The following NCKAP5 variants were observed in gnomAD, a reference collection of about 807,000 sequenced individuals.
NCKAP5 encodes nck-associated protein 5.
In NCKAP5, 92 loss-of-function variants were observed where a neutral mutation model predicts 167.0. That is an observed-to-expected ratio of 0.55 (90% CI 0.47 to 0.66). NCKAP5 has a LOEUF of 0.66. Ranked by LOEUF, NCKAP5 falls within the 30% of genes least tolerant of loss-of-function variation. NCKAP5 has a pLI of 0.00. For synonymous variants in NCKAP5, 891 were observed against 877.4 expected, an observed-to-expected ratio of 1.02 and a Z score of -0.27; for missense variants, 2,378 against 2,315.0, an observed-to-expected ratio of 1.03 and a Z score of -0.56.
At chr2:133,266,887 CG>C (rs1426813670) in intron 4 of NCKAP5, among the ~76,000 whole-genome samples, 4 of 152,140 alleles carry the variant, frequency 2.6e-5, no homozygotes, top group Non-Finnish European at 5.9e-5. Context: ...GCGGGCGGCT[CG>C]GCTTGCGCTC....
At chr2:133,106,749 C>G (rs2081718947) in intron 6 of NCKAP5, among the ~76,000 whole-genome samples, 1 of 152,142 alleles carries the variant, frequency 6.6e-6, no homozygotes, top group Admixed American at 6.5e-5. Flanking sequence ...GTTGTGGAAA[C>G]AGCTGCTTTG....
At chr2:133,030,719 G>A (rs1559068536) in intron 6 of NCKAP5, among the ~76,000 whole-genome samples, 1 of 152,182 alleles carries the variant, frequency 6.6e-6, no homozygotes, top group East Asian at 1.9e-4. Flanking sequence ...GATTATCTCA[G>A]TTCAGGCTGC....
the NCKAP5 span, among the ~76,000 whole-genome samples, chr2:133,580,642 G>T: frequency 6.6e-6 from 1 of 152,096 alleles, no homozygotes. Flanking sequence ...AATCAGCATG[G>T]TTTATTCCCA....
intron 16 of NCKAP5, among the ~76,000 whole-genome samples, chr2:132,751,959 T>C (rs1680151932): frequency 6.6e-6 from 1 of 152,244 alleles, no homozygotes. Flanking sequence ...CTGAGTTCCC[T>C]GGCAGACCAG....
intron 8 of NCKAP5, among the ~76,000 whole-genome samples, chr2:132,889,328 A>G (rs6723255): frequency 0.32 from 48,023 of 152,084 alleles, 7,855 homozygotes; most frequent in Non-Finnish European, 0.36. Flanking sequence ...CATAGCAATA[A>G]ATAAGTGGAA....
At chr2:133,497,888 C>CTCTT (rs1682079703) in intron 3 of NCKAP5, among the ~76,000 whole-genome samples, 1 of 152,324 alleles carries the variant, frequency 6.6e-6, no homozygotes, top group African/African-American at 2.4e-5. Flanking sequence ...GGGATTTTAT[C>CTCTT]TCTGTGTTCT....
intron 19 of NCKAP5, among the ~76,000 whole-genome samples, chr2:132,678,086 A>G (rs1033421945): frequency 6.6e-6 from 1 of 152,164 alleles, no homozygotes; most frequent in African/African-American, 2.4e-5. Flanking sequence ...ATAAAATTGG[A>G]GGAGATATGG....
At chr2:132,934,601 C>T (rs113442424) in intron 8 of NCKAP5, among the ~76,000 whole-genome samples, 2,229 of 151,922 alleles carry the variant, frequency 0.015, 41 homozygotes, top group African/African-American at 0.051. Flanking sequence ...AAAAAGTAAA[C>T]GATGACCCCA....
chr2:133,019,632 T>C (rs1352538489), intron 6 of NCKAP5, among the ~76,000 whole-genome samples: 1 of 152,246 alleles, frequency 6.6e-6, no homozygotes, highest in Non-Finnish European at 1.5e-5. Flanking sequence ...GCTGGCATTT[T>C]CATTTTCCCC....
chr2:132,955,315 T>C (rs1423791975), intron 8 of NCKAP5, among the ~76,000 whole-genome samples: 4 of 152,174 alleles, frequency 2.6e-5, no homozygotes, highest in African/African-American at 9.7e-5. Context: ...CTTTGGATGA[T>C]GACCTTTCCC....
intron 4 of NCKAP5, chr2:133,267,346 T>A (rs1323035009): frequency 6.6e-6 from 1 of 152,228 alleles, no homozygotes; most frequent in African/African-American, 2.4e-5. Context: ...GCTAATGAAC[T>A]AAACAAACAG....
chr2:132,969,269 C>G (rs946382569), intron 7 of NCKAP5, among the ~76,000 whole-genome samples: 15 of 152,202 alleles, frequency 9.9e-5, no homozygotes, highest in African/African-American at 3.6e-4. Context: ...AACTCCTGAC[C>G]TCAGGTAATC....
chr2:133,167,097 T>C (rs971766398), intron 5 of NCKAP5, among the ~76,000 whole-genome samples: 66 of 152,176 alleles, frequency 4.3e-4, no homozygotes, highest in African/African-American at 1.6e-3. Flanking sequence ...TAAAATCCCC[T>C]ACAACTTCAG....
the NCKAP5 span, among the ~76,000 whole-genome samples, chr2:133,603,222 T>C: frequency 3.5e-5 from 4 of 113,342 alleles, no homozygotes; most frequent in Non-Finnish European, 6.5e-5. Context: ...TTTTTTCTTT[T>C]TCTTTCTTTT....
intron 6 of NCKAP5, among the ~76,000 whole-genome samples, chr2:133,126,882 T>A (rs958800812): frequency 6.6e-6 from 1 of 152,170 alleles, no homozygotes; most frequent in Non-Finnish European, 1.5e-5. Flanking sequence ...TTTATTTTGT[T>A]TTTATTTTAT....
At chr2:133,344,038 T>A (rs1559401091) in intron 3 of NCKAP5, among the ~76,000 whole-genome samples, 1 of 152,114 alleles carries the variant, frequency 6.6e-6, no homozygotes, top group South Asian at 2.1e-4. Flanking sequence ...CGGGGAATGG[T>A]GGATCTTTTA....
chr2:132,925,561 C>CA (rs575777951), intron 8 of NCKAP5, among the ~76,000 whole-genome samples: 3,008 of 51,144 alleles, frequency 0.059, 123 homozygotes, highest in East Asian at 0.19. Context: ...GACTCCGTCT[C>CA]AAAAAAAAAA....
chr2:133,666,186 C>CTTTTT, the NCKAP5 span, among the ~76,000 whole-genome samples: 1,836 of 114,060 alleles, frequency 0.016, 95 homozygotes, highest in African/African-American at 0.058. Flanking sequence ...GATCTACATC[C>CTTTTT]TTTTTTTTTT....
intron 5 of NCKAP5, among the ~76,000 whole-genome samples, chr2:133,179,061 A>C (rs1187405428): frequency 6.6e-6 from 1 of 152,022 alleles, no homozygotes; most frequent in East Asian, 1.9e-4. Context: ...CTAGCTACTC[A>C]GGAGGCTGAG....
Sources: gnomAD v4.1 joint callset for allele counts (sites outside exome capture counted in the v4.1 genomes callset) on GRCh38, gnomAD v4.1.1 for gene constraint, MANE v1.5 for transcripts, NCBI Gene and HGNC (gene_info 2026-07-23, HGNC 2026-07-21) for gene names.